The following LHFPL3 variants were observed in gnomAD, a reference collection of about 807,000 sequenced individuals.
LHFPL3 encodes LHFPL tetraspan subfamily member 3.
A neutral mutation model predicts 19.3 loss-of-function variants in LHFPL3; 5 were observed. That is an observed-to-expected ratio of 0.26 (90% confidence interval 0.14 to 0.54). LHFPL3 has a LOEUF of 0.54. LHFPL3 is among the 20% of genes least tolerant of loss of function. The pLI, the probability that LHFPL3 is intolerant of heterozygous loss-of-function variation, is 0.94. For synonymous variants in LHFPL3, 133 were observed against 126.2 expected (o/e 1.05, Z -0.36); for missense variants, 249 against 307.4 (o/e 0.81, Z 1.42).
At chr7:104,403,215 A>G (rs571262710) in intron 1 of LHFPL3, among the ~76,000 whole-genome samples, 33 of 152,120 alleles carry the variant, frequency 2.2e-4, no homozygotes, top group Admixed American at 7.2e-4. Flanking sequence ...AAAAAAGAAA[A>G]CTCCTACTCA....
At chr7:104,758,561 T>A (rs1007380182) in intron 2 of LHFPL3, among the ~76,000 whole-genome samples, 1 of 152,124 alleles carries the variant, frequency 6.6e-6, no homozygotes, top group African/African-American at 2.4e-5. Context: ...CTATATTTAT[T>A]TGAATGTAAT....
intron 1 of LHFPL3, among the ~76,000 whole-genome samples, chr7:104,554,341 A>T (rs745355172): frequency 1.3e-5 from 2 of 152,108 alleles, no homozygotes; most frequent in Non-Finnish European, 2.9e-5. Flanking sequence ...GATTTGCAAA[A>T]TTTATTTGCC....
chr7:104,412,019 C>G (rs552993849), intron 1 of LHFPL3, among the ~76,000 whole-genome samples: 3 of 152,162 alleles, frequency 2.0e-5, no homozygotes, highest in Non-Finnish European at 2.9e-5. Flanking sequence ...AGAACATGGG[C>G]ATAAAATTAA....
intron 1 of LHFPL3, among the ~76,000 whole-genome samples, chr7:104,644,427 A>G (rs1791892791): frequency 6.6e-6 from 1 of 152,160 alleles, no homozygotes; most frequent in Non-Finnish European, 1.5e-5. Context: ...ACAGGCACAT[A>G]AATATTATTG....
intron 2 of LHFPL3, among the ~76,000 whole-genome samples, chr7:104,863,107 C>G (rs1791647275): frequency 6.6e-6 from 1 of 152,164 alleles, no homozygotes; most frequent in African/African-American, 2.4e-5. Flanking sequence ...ACAGCCCTAA[C>G]CTGCACCCCA....
At chr7:104,416,818 C>T (rs1287153380) in intron 1 of LHFPL3, among the ~76,000 whole-genome samples, 4 of 152,200 alleles carry the variant, frequency 2.6e-5, no homozygotes, top group Non-Finnish European at 5.9e-5. Context: ...GCTCACAGTT[C>T]TGGAGGCTAG....
intron 2 of LHFPL3, among the ~76,000 whole-genome samples, chr7:104,739,615 T>G (rs1260455472): frequency 6.6e-6 from 1 of 150,872 alleles, no homozygotes; most frequent in African/African-American, 2.4e-5. Context: ...CTGTTCTTGT[T>G]TTGGATTTCA....
chr7:104,374,432 G>A (rs1790671040), intron 1 of LHFPL3, among the ~76,000 whole-genome samples: 1 of 151,992 alleles, frequency 6.6e-6, no homozygotes. Flanking sequence ...AGTAGAGACG[G>A]GGTTTCACCG....
At chr7:104,450,126 T>A (rs988114369) in intron 1 of LHFPL3, among the ~76,000 whole-genome samples, 1 of 152,172 alleles carries the variant, frequency 6.6e-6, no homozygotes, top group Non-Finnish European at 1.5e-5. Context: ...GTCTTGTGAG[T>A]TTTCCTGAGG....
intron 1 of LHFPL3, among the ~76,000 whole-genome samples, chr7:104,475,027 G>C (rs538575610): frequency 3.5e-4 from 54 of 152,342 alleles, no homozygotes; most frequent in African/African-American, 1.3e-3. Context: ...GGCCATGGGA[G>C]CCATTGCAGT....
chr7:104,679,459 G>T (rs1307040757), intron 1 of LHFPL3, among the ~76,000 whole-genome samples: 2 of 152,234 alleles, frequency 1.3e-5, no homozygotes. Context: ...GTTAGGCTCT[G>T]CCTCTCAAAG....
chr7:104,809,137 G>C (rs1367642415), intron 2 of LHFPL3, among the ~76,000 whole-genome samples: 1 of 151,932 alleles, frequency 6.6e-6, no homozygotes, highest in African/African-American at 2.4e-5. Context: ...TCAAGTGATC[G>C]CCCACCTTGG....
chr7:104,881,844 G>A (rs1478113880), intron 2 of LHFPL3, among the ~76,000 whole-genome samples: 1 of 152,142 alleles, frequency 6.6e-6, no homozygotes, highest in East Asian at 1.9e-4. Context: ...TCAGCCTTCA[G>A]CAGCCACCAC....
intron 1 of LHFPL3, among the ~76,000 whole-genome samples, chr7:104,693,527 G>A (rs1170176311): frequency 6.6e-6 from 1 of 152,066 alleles, no homozygotes; most frequent in Non-Finnish European, 1.5e-5. Flanking sequence ...TCATGATAGT[G>A]CGTGAGTCCT....
intron 1 of LHFPL3, among the ~76,000 whole-genome samples, chr7:104,473,489 A>G (rs921515383): frequency 1.3e-5 from 2 of 152,142 alleles, no homozygotes; most frequent in African/African-American, 4.8e-5. Flanking sequence ...ATTTACCACC[A>G]CTATTTGCCA....
At chr7:104,389,789 G>A (rs1237334734) in intron 1 of LHFPL3, among the ~76,000 whole-genome samples, 1 of 152,098 alleles carries the variant, frequency 6.6e-6, no homozygotes, top group Non-Finnish European at 1.5e-5. Context: ...TCAACAAATG[G>A]TACTGGAATG....
intron 1 of LHFPL3, among the ~76,000 whole-genome samples, chr7:104,523,019 T>C (rs112373724): frequency 0.13 from 19,807 of 152,004 alleles, 1,446 homozygotes; most frequent in South Asian, 0.17. Context: ...TATATGCACA[T>C]ATATACATAT....
intron 1 of LHFPL3, among the ~76,000 whole-genome samples, chr7:104,605,666 C>A (rs533059498): frequency 1.3e-5 from 2 of 152,130 alleles, no homozygotes; most frequent in Non-Finnish European, 2.9e-5. Context: ...AATAATGTTT[C>A]TCATAAAAGC....
In LHFPL3 at chr7:104,842,163, T is replaced by TCA. The variant is rs1277979027; in HGVS notation, c.683-64011_683-64010dup. Among the ~76,000 whole-genome samples the TCA allele has an allele frequency of 7.9e-5, 11 of 139,664 alleles. No individual in the cohort carries two copies. The East Asian group carries it at 8.0e-4, about 10-fold the overall frequency. 91.6% of individuals were successfully genotyped at this position (139,664 alleles called of 152,430 possible). On this transcript the variant is annotated intron_variant, in intron 2 of 2. Coordinates refer to ENST00000424859, the MANE Select transcript of LHFPL3 (RefSeq NM_199000.3). ...AGCATGTCTGTTCTGATCAACCTCC[T>TCA]CACACACACACACAATCCTTTAAAA...
Sources: allele counts gnomAD v4.1 joint callset (sites outside exome capture counted in the v4.1 genomes callset), GRCh38; gene constraint gnomAD v4.1.1; transcripts MANE v1.5; gene names NCBI Gene and HGNC (gene_info 2026-07-23, HGNC 2026-07-21).